KYNU: variants seen among roughly 807,000 people sequenced by gnomAD.
The protein encoded by KYNU is kynureninase, also known as L-kynurenine hydrolase.
In KYNU, 54 loss-of-function variants were observed where a neutral mutation model predicts 59.2. That is an observed-to-expected ratio of 0.91 (90% CI 0.73 to 1.14). The LOEUF is 1.14. Among genes scored for constraint, KYNU ranks in the 50% most tolerant of loss-of-function variants. KYNU has a pLI of 0.00. For synonymous variants in KYNU, 177 were observed against 192.0 expected (o/e 0.92, Z 0.65); for missense variants, 567 against 554.4 (o/e 1.02, Z -0.23).
At chr2:142,904,320 C>A (rs1328261905) in intron 2 of KYNU, among the ~76,000 whole-genome samples, 1 of 152,178 alleles carries the variant, frequency 6.6e-6, no homozygotes, top group Non-Finnish European at 1.5e-5. Flanking sequence ...ATGTCTGTGG[C>A]ACCAATTCCA....
chr2:142,959,557 G>A (rs1485302740), intron 7 of KYNU, among the ~76,000 whole-genome samples: 1 of 151,554 alleles, frequency 6.6e-6, no homozygotes, highest in African/African-American at 2.4e-5. Flanking sequence ...TTGCACTCCA[G>A]CCTGGGCAAC....
rs556788606 is a variant in KYNU, at chr2:142,915,364, A to T, written c.170-3245A>T. 5.3e-5 allele frequency among the ~76,000 whole-genome samples: 8 copies of T among 152,340 alleles called. No individual in the cohort carries two copies. In the East Asian group the frequency reaches 1.5e-3, roughly 29 times the overall value. ...TGCCTTTCTTTTTCCACTCCATTGG[A>T]GGAATAAGAAGCAGCAGCAGTGAGG... On this transcript the variant is annotated intron_variant, in intron 2 of 13. Coordinates refer to ENST00000264170, the MANE Select transcript of KYNU (RefSeq NM_003937.3).
chr2:142,987,047 A>G (rs949696786), intron 10 of KYNU, among the ~76,000 whole-genome samples: 9 of 151,872 alleles, frequency 5.9e-5, no homozygotes, highest in African/African-American at 2.2e-4. Context: ...TTGGACAGAT[A>G]TTTAGTCAAC....
chr2:143,025,762 A>T (rs1395032749), intron 10 of KYNU, among the ~76,000 whole-genome samples: 2 of 152,114 alleles, frequency 1.3e-5, no homozygotes, highest in African/African-American at 4.8e-5. Context: ...ACCATTGGGG[A>T]CAAAAAGAGA....
At chr2:143,024,030 G>A (rs1686481474) in intron 10 of KYNU, among the ~76,000 whole-genome samples, 1 of 151,448 alleles carries the variant, frequency 6.6e-6, no homozygotes, top group South Asian at 2.1e-4. Flanking sequence ...TGAATAAAAG[G>A]ATGAGCAAAA....
intron 10 of KYNU, among the ~76,000 whole-genome samples, chr2:143,006,942 C>A (rs1039737258): frequency 3.3e-5 from 5 of 151,956 alleles, no homozygotes; most frequent in Non-Finnish European, 7.4e-5. Context: ...GTAGATAAAA[C>A]CACAAAGATG....
At chr2:142,944,415 C>T (rs902691936) in intron 4 of KYNU, among the ~76,000 whole-genome samples, 3 of 152,102 alleles carry the variant, frequency 2.0e-5, no homozygotes, top group Non-Finnish European at 2.9e-5. Context: ...AATAAATAAG[C>T]AGAGAAGCAC....
chr2:142,961,750 G>A (rs1573844559), intron 8 of KYNU, among the ~76,000 whole-genome samples: 1 of 151,194 alleles, frequency 6.6e-6, no homozygotes, highest in Non-Finnish European at 1.5e-5. Flanking sequence ...GTATTTATTT[G>A]AAAAAAAAGG....
At chr2:142,993,334 T>G (rs1293052953) in intron 10 of KYNU, among the ~76,000 whole-genome samples, 1 of 152,052 alleles carries the variant, frequency 6.6e-6, no homozygotes, top group Non-Finnish European at 1.5e-5. Flanking sequence ...TGCCTCATTA[T>G]CATAAAATTG....
intron 5 of KYNU, 139 bp from the exon 6 acceptor site, chr2:142,956,064 A>G (rs2105087079): frequency 1.8e-6 from 1 of 562,638 alleles, no homozygotes; most frequent in South Asian, 2.4e-5. Context: ...TTGAAAAGGT[A>G]GTCCTGACAA....
At position 143,046,653 on chromosome 2, in the gene KYNU, T is replaced by C. The variant is rs1687168804; in HGVS notation, c.*4481T>C. The C allele has an allele frequency of 6.6e-6, 1 of 152,062 alleles. No homozygotes were observed. Among genetic ancestry groups the C allele is most frequent in the Non-Finnish European group, 1.5e-5 (1 of 68,016 alleles). 9.4% of individuals were successfully genotyped at this position (152,062 alleles called of 1,614,324 possible). A position where few individuals can be genotyped will look rare whatever the true frequency, so the allele number is the denominator to read the frequency against. The stretch of plus-strand genomic sequence containing the variant: ...TCACACTGGCTAATTTGCTTGTTTT[T>C]TCATCAATACTTCACTTCCTTAATT... On this transcript the variant is annotated 3_prime_UTR_variant, in exon 14 of 14. Transcript: ENST00000264170.
intron 10 of KYNU, among the ~76,000 whole-genome samples, chr2:143,027,491 G>T (rs2104910288): frequency 6.6e-6 from 1 of 152,162 alleles, no homozygotes; most frequent in East Asian, 1.9e-4. Flanking sequence ...GAATTCATGG[G>T]GCACAGACAT....
chr2:143,012,963 G>A (rs1442039047), intron 10 of KYNU, among the ~76,000 whole-genome samples: 2 of 151,976 alleles, frequency 1.3e-5, no homozygotes, highest in Non-Finnish European at 2.9e-5. Context: ...ATTTTTCCAT[G>A]TCTGGCTTTT....
chr2:142,893,779 T>G (rs1252015992), intron 2 of KYNU, among the ~76,000 whole-genome samples: 1 of 152,036 alleles, frequency 6.6e-6, no homozygotes, highest in Admixed American at 6.6e-5. Context: ...AGCCCAATAT[T>G]CTAAGATAAT....
intron 5 of KYNU, 131 bp from the exon 6 acceptor site, chr2:142,956,072 C>CA: frequency 3.4e-6 from 2 of 582,628 alleles, no homozygotes; most frequent in Non-Finnish European, 6.1e-6. Context: ...GTAGTCCTGA[C>CA]AAACACTTAA....
intron 12 of KYNU, among the ~76,000 whole-genome samples, chr2:143,038,188 A>G (rs1227442594): frequency 6.6e-6 from 1 of 152,184 alleles, no homozygotes; most frequent in African/African-American, 2.4e-5. Flanking sequence ...CCCCATGTAC[A>G]TATTAGGGCA....
chr2:142,884,142 T>C (rs931070314), intron 1 of KYNU, among the ~76,000 whole-genome samples: 3 of 152,214 alleles, frequency 2.0e-5, no homozygotes, highest in African/African-American at 7.2e-5. Context: ...TGTTGCATGA[T>C]GATTAAACAG....
intron 2 of KYNU, among the ~76,000 whole-genome samples, chr2:142,896,139 A>G (rs1681867974): frequency 6.6e-6 from 1 of 152,230 alleles, no homozygotes; most frequent in African/African-American, 2.4e-5. Flanking sequence ...AAGTCGTTTT[A>G]GAATGCTATA....
At chr2:142,938,331 C>T (rs546004778) in intron 4 of KYNU, among the ~76,000 whole-genome samples, 11 of 152,194 alleles carry the variant, frequency 7.2e-5, no homozygotes, top group Admixed American at 3.9e-4. Flanking sequence ...GAGCAAAGAA[C>T]GATTGACAAA....
Sources: allele counts gnomAD v4.1 joint callset (sites outside exome capture counted in the v4.1 genomes callset), GRCh38; gene constraint gnomAD v4.1.1; transcripts MANE v1.5; gene names NCBI Gene and HGNC (gene_info 2026-07-23, HGNC 2026-07-21).